Variants in SGCD observed in about 807,000 individuals in gnomAD.
SGCD encodes the protein delta-sarcoglycan.
A neutral mutation model predicts 36.6 loss-of-function variants in SGCD; 18 were observed. That is an observed-to-expected ratio of 0.49 (90% CI 0.34 to 0.73). The LOEUF is 0.73. SGCD is among the 30% of genes least tolerant of loss of function. SGCD has a pLI of 0.01. For missense variants in SGCD, 387 were observed against 346.7 expected, an observed-to-expected ratio of 1.12 and a Z score of -0.92; for synonymous variants, 133 against 130.6, an observed-to-expected ratio of 1.02 and a Z score of -0.12.
At chr5:156,542,142 A>G (rs1258512460) in intron 4 of SGCD, among the ~76,000 whole-genome samples, 1 of 152,192 alleles carries the variant, frequency 6.6e-6, no homozygotes, top group African/African-American at 2.4e-5. Flanking sequence ...AAGTTAGGGG[A>G]AAAAGGAAGA....
rs774846046 is a variant in SGCD at position 156,093,830 on chromosome 5, GA to G, written c.-281-24047del. On this transcript the variant is annotated intron_variant, in intron 1 of 9. Transcript: ENST00000517913. ...GATGGGTGGCAAAAATACATTCAAA[GA>G]GGTCTGTCATTTTCTGAGGATCCTC... 3.5e-4 allele frequency among the ~76,000 whole-genome samples: 53 copies of G among 152,262 alleles called. No individual in the cohort carries two copies. In the Middle Eastern group the frequency reaches 0.014, roughly 39 times the overall value.
Position 156,759,447 on chromosome 5 carries a change from A to T in SGCD, c.*57A>T. ...ATAAAGGCCTTTTTTGGCTTTAGAC[A>T]CTGGCTGCCAGCTATTTTTACTAGA... On this transcript the variant is annotated 3_prime_UTR_variant, in exon 9 of 9. Coordinates refer to ENST00000337851, the MANE Select transcript of SGCD (RefSeq NM_000337.6). 1 of 1,239,974 alleles carries T rather than the reference A, an allele frequency of 8.1e-7. No homozygotes were observed. The highest frequency in any genetic ancestry group is 1.1e-6 in the Non-Finnish European group (1 of 885,222). The allele number at this position is 1,239,974 out of a possible 1,614,324, so 76.8% of individuals were successfully genotyped here. A position where few individuals can be genotyped will look rare whatever the true frequency, so the allele number is the denominator to read the frequency against.
At chr5:156,041,535 AT>A in intron 1 of SGCD, among the ~76,000 whole-genome samples, 1 of 152,262 alleles carries the variant, frequency 6.6e-6, no homozygotes, top group East Asian at 1.9e-4. Context: ...TTTTTAATTG[AT>A]TTTCAACAGG....
At chr5:156,360,856 A>G (rs1769751044) in intron 3 of SGCD, among the ~76,000 whole-genome samples, 1 of 151,808 alleles carries the variant, frequency 6.6e-6, no homozygotes, top group Non-Finnish European at 1.5e-5. Flanking sequence ...TGTCTGCATG[A>G]CCTCATTCTA....
At chr5:155,927,722 C>T (rs183419322) in intron 1 of SGCD, among the ~76,000 whole-genome samples, 19 of 152,206 alleles carry the variant, frequency 1.2e-4, no homozygotes, top group Admixed American at 1.1e-3. Flanking sequence ...TTAAATAAAA[C>T]CATGAAGTGG....
chr5:156,275,926 G>A (rs1424352036), intron 3 of SGCD, among the ~76,000 whole-genome samples: 2 of 151,966 alleles, frequency 1.3e-5, no homozygotes, highest in Admixed American at 6.6e-5. Flanking sequence ...CCATGTGCCC[G>A]GCCCTGTCCT....
chr5:156,149,220 G>A (rs1166149165), intron 3 of SGCD, among the ~76,000 whole-genome samples: 1 of 152,122 alleles, frequency 6.6e-6, no homozygotes, highest in Non-Finnish European at 1.5e-5. Context: ...GTAAAATGGG[G>A]TACCTGTTCT....
chr5:155,869,664 T>G (rs1431972529), upstream of SGCD, among the ~76,000 whole-genome samples: 2 of 151,526 alleles, frequency 1.3e-5, no homozygotes, highest in East Asian at 3.9e-4. Context: ...TTTTTTAAAT[T>G]TCACCTAGCC....
intron 3 of SGCD, among the ~76,000 whole-genome samples, chr5:156,297,837 T>C (rs1337750151): frequency 1.3e-5 from 2 of 151,176 alleles, no homozygotes; most frequent in African/African-American, 4.8e-5. Context: ...TTGCTGACTA[T>C]AGTCACCCTG....
chr5:156,561,185 C>T lies in SGCD; in HGVS notation c.295-28046C>T, dbSNP rs371137924. 2.6e-5 allele frequency among the ~76,000 whole-genome samples: 4 copies of T among 152,172 alleles called. No homozygotes were observed. The East Asian group carries it at 5.8e-4, about 22-fold the overall frequency. ...CTTCCATTAACAGGATTTGATTCTTCTACATTACAGGGCTTTGGAAGTCAT... is the reference window on the plus strand; with the variant it reads ...CTTCCATTAACAGGATTTGATTCTTTTACATTACAGGGCTTTGGAAGTCAT... On this transcript the variant is annotated intron_variant, in intron 4 of 8. Coordinates refer to ENST00000337851, the MANE Select transcript of SGCD (RefSeq NM_000337.6).
chr5:156,592,781 T>A (rs918148567), intron 5 of SGCD, among the ~76,000 whole-genome samples: 1 of 152,174 alleles, frequency 6.6e-6, no homozygotes, highest in African/African-American at 2.4e-5. Flanking sequence ...TGCTGTCCTA[T>A]CTCTGCTGTT....
At chr5:155,739,342 G>GT in the SGCD span, among the ~76,000 whole-genome samples, 1 of 152,234 alleles carries the variant, frequency 6.6e-6, no homozygotes, top group South Asian at 2.1e-4. Flanking sequence ...ATGTGGGACT[G>GT]TGAGTTTCAC....
chr5:156,328,807 G>C (rs1049639448), intron 1 of SGCD, among the ~76,000 whole-genome samples: 1 of 152,004 alleles, frequency 6.6e-6, no homozygotes, highest in Non-Finnish European at 1.5e-5. Flanking sequence ...GGAAAGGAAG[G>C]GGGTGTAGTT....
In SGCD at chr5:156,294,706, G is replaced by A. The variant is rs571483283; in HGVS notation, c.-43-34828G>A. Among the ~76,000 whole-genome samples the A allele has an allele frequency of 1.2e-3, 180 of 152,124 alleles. 1 individual carries two copies. Among genetic ancestry groups the A allele is most frequent in the Non-Finnish European group, 2.4e-4 (16 of 67,986 alleles). On this transcript the variant is annotated intron_variant, in intron 3 of 9. Coordinates refer to the SGCD transcript ENST00000517913. Reference sequence around the variant, plus strand: ...CTGTCATGAAAAGGTGTTGAATTTTGTCAAATGCTTTTTATGTATCAGTTG... The same window carrying A: ...CTGTCATGAAAAGGTGTTGAATTTTATCAAATGCTTTTTATGTATCAGTTG...
chr5:156,261,434 G>C (rs1203546229), intron 3 of SGCD, among the ~76,000 whole-genome samples: 1 of 152,148 alleles, frequency 6.6e-6, no homozygotes, highest in Non-Finnish European at 1.5e-5. Context: ...ATTATAAATG[G>C]AGATGAAAAA....
chr5:156,367,167 C>T (rs1036741684), intron 3 of SGCD, among the ~76,000 whole-genome samples: 7 of 152,148 alleles, frequency 4.6e-5, no homozygotes, highest in African/African-American at 1.4e-4. Flanking sequence ...CAGTTGTAAA[C>T]TGTTGAGAAA....
chr5:156,178,325 C>T (rs1031768445), intron 3 of SGCD, among the ~76,000 whole-genome samples: 2 of 152,056 alleles, frequency 1.3e-5, no homozygotes, highest in East Asian at 1.9e-4. Flanking sequence ...AGTGCGTCAG[C>T]GTGGAGAGAG....
At chr5:156,480,225 A>G (rs1417121255) in intron 3 of SGCD, among the ~76,000 whole-genome samples, 2 of 152,250 alleles carry the variant, frequency 1.3e-5, no homozygotes, top group Non-Finnish European at 2.9e-5. Context: ...ACAGACTGTA[A>G]TGGACTGGTA....
chr5:156,621,312 C>T (rs1762237579), intron 6 of SGCD, among the ~76,000 whole-genome samples: 1 of 152,174 alleles, frequency 6.6e-6, no homozygotes, highest in Admixed American at 6.5e-5. Context: ...CTGCATCAGC[C>T]TCCCAAGTAG....
Sources: gnomAD v4.1 joint callset for allele counts (sites outside exome capture counted in the v4.1 genomes callset) on GRCh38, gnomAD v4.1.1 for gene constraint, MANE v1.5 for transcripts, NCBI Gene and HGNC (gene_info 2026-07-23, HGNC 2026-07-21) for gene names.